COMMD9: variants seen among roughly 807,000 people sequenced by gnomAD.
COMMD9 encodes the protein COMM domain-containing protein 9.
A neutral mutation model predicts 23.4 loss-of-function variants in COMMD9; 22 were observed. That is an observed-to-expected ratio of 0.94 (90% CI 0.67 to 1.34). The LOEUF (loss-of-function observed/expected upper bound fraction) is 1.34. Ranked by LOEUF, COMMD9 falls within the 40% of genes most tolerant of loss-of-function variation. The probability of loss-of-function intolerance (pLI) is 0.00; values close to 1 mark genes in which losing one functional copy is unlikely to be tolerated. For missense variants in COMMD9, 231 were observed against 240.2 expected (o/e 0.96, Z 0.25); for synonymous variants, 99 against 97.4 (o/e 1.02, Z -0.10).
intron 3 of COMMD9, chr11:36,278,149 T>C (rs575776312): frequency 2.1e-5 from 5 of 233,238 alleles, no homozygotes; most frequent in Admixed American, 5.9e-5. Context: ...AAGGTAAACA[T>C]TGACGTGAAA....
At chr11:36,286,134 A>T (rs1489533757) in intron 1 of COMMD9, among the ~76,000 whole-genome samples, 1 of 152,230 alleles carries the variant, frequency 6.6e-6, no homozygotes, top group Non-Finnish European at 1.5e-5. Context: ...CATGTAGAAC[A>T]TTCCAAGAAA....
At chr11:36,284,104 TCAACAACAACAACAA>T (rs79468939) in intron 1 of COMMD9, among the ~76,000 whole-genome samples, 1,557 of 149,580 alleles carry the variant, frequency 0.01, 19 homozygotes, top group Non-Finnish European at 0.016. Context: ...AGACCCTGTC[TCAACAACAACAACAA>T]CAACAACAAC....
At chr11:36,275,106 G>A (rs759802267) in intron 5 of COMMD9, among the ~76,000 whole-genome samples, 3 of 152,238 alleles carry the variant, frequency 2.0e-5, no homozygotes, top group Non-Finnish European at 4.4e-5. Flanking sequence ...ACTTTAAGGA[G>A]CAGGTTCTGT....
At position 36,289,407 on chromosome 11, in the gene COMMD9, A is replaced by G. The variant is rs756627155; in HGVS notation, c.6T>C (p.Ala2=). M[A]ALTAEHFAAL... is the part of the protein sequence containing the mutation. ...CTGCAAAATGCTCCGCTGTCAGGGC[A>G]GCCATCTTGCCGAAGTCACATGACC... Residue 2 remains alanine, a synonymous_variant, in exon 1 of 6, where the codon GCT becomes GCC. Coordinates refer to ENST00000263401, the MANE Select transcript of COMMD9 (RefSeq NM_014186.4). 72 of 1,551,888 alleles carry G rather than the reference A, an allele frequency of 4.6e-5. No homozygotes were observed. The East Asian group carries it at 6.3e-4, about 14-fold the overall frequency.
At chr11:36,288,007 A>T (rs1014980126) in intron 1 of COMMD9, among the ~76,000 whole-genome samples, 6 of 152,180 alleles carry the variant, frequency 3.9e-5, no homozygotes, top group African/African-American at 1.2e-4. Flanking sequence ...TAAGACCAAC[A>T]GGTATAGGGG....
chr11:36,283,532 T>C (rs1278887853), intron 1 of COMMD9, among the ~76,000 whole-genome samples: 2 of 152,142 alleles, frequency 1.3e-5, no homozygotes, highest in African/African-American at 4.8e-5. Flanking sequence ...TAGAATGTAG[T>C]AATTAGGGCA....
chr11:36,286,395 CAA>C (rs138463305), intron 1 of COMMD9, among the ~76,000 whole-genome samples: 58 of 76,936 alleles, frequency 7.5e-4, no homozygotes, highest in Non-Finnish European at 8.8e-4. Flanking sequence ...ACTAAAAATA[CAA>C]AAAAAAAAAA....
At chr11:36,284,103 C>CACAACA (rs1378842021) in intron 1 of COMMD9, among the ~76,000 whole-genome samples, 1 of 92,198 alleles carries the variant, frequency 1.1e-5, no homozygotes, top group African/African-American at 4.3e-5. Context: ...GAGACCCTGT[C>CACAACA]TCAACAACAA....
chr11:36,278,713 C>A, intron 2 of COMMD9, 97 bp from the exon 3 acceptor site: 7 of 1,202,738 alleles, frequency 5.8e-6, no homozygotes, highest in Non-Finnish European at 6.9e-6. Flanking sequence ...CCGAAGGCTG[C>A]ACACTGCTAT....
intron 1 of COMMD9, among the ~76,000 whole-genome samples, chr11:36,287,676 C>T (rs1382653834): frequency 6.6e-6 from 1 of 151,566 alleles, no homozygotes; most frequent in Non-Finnish European, 1.5e-5. Context: ...ACTACTGCTA[C>T]ATAATGGTGA....
chr11:36,275,818 C>T (rs1321494568), intron 5 of COMMD9, among the ~76,000 whole-genome samples: 2 of 152,192 alleles, frequency 1.3e-5, no homozygotes, highest in East Asian at 1.9e-4. Context: ...CTGAAGTACA[C>T]TGAAATGATC....
At chr11:36,279,796 A>T (rs530004846) in intron 2 of COMMD9, among the ~76,000 whole-genome samples, 1 of 152,268 alleles carries the variant, frequency 6.6e-6, no homozygotes, top group South Asian at 2.1e-4. Flanking sequence ...TTCAATAAAC[A>T]AGGTCCAGAA....
intron 3 of COMMD9, among the ~76,000 whole-genome samples, chr11:36,277,938 C>T (rs1856002465): frequency 6.6e-6 from 1 of 152,164 alleles, no homozygotes; most frequent in Non-Finnish European, 1.5e-5. Flanking sequence ...CCAACTTGAA[C>T]ATTTAAGGCC....
intron 4 of COMMD9, chr11:36,276,484 CCCAGCCCT>C (rs1260468170): frequency 1.3e-5 from 6 of 449,558 alleles, no homozygotes; most frequent in African/African-American, 1.9e-5. Flanking sequence ...TACCTGAACA[CCCAGCCCT>C]CCAGATGTTA....
intron 2 of COMMD9, 51 bp from the exon 3 acceptor site, chr11:36,278,667 G>C (rs769301011): frequency 1.0e-5 from 16 of 1,597,352 alleles, no homozygotes; most frequent in Non-Finnish European, 1.4e-5. Flanking sequence ...AGCAGGCAGG[G>C]GGCACAAGGC....
In COMMD9 at chr11:36,287,091, ATACT is replaced by A. The variant is rs376058197; in HGVS notation, c.51+2267_51+2270del. On this transcript the variant is annotated intron_variant, in intron 1 of 5. Transcript: ENST00000263401. ...GTATATCGCGTAGTATGTATACTAC[ATACT>A]ATGTATATCGCGTAGTATGTATACT... Among the ~76,000 whole-genome samples, 313 of 138,150 alleles carry A rather than the reference ATACT, an allele frequency of 2.3e-3. 42 individuals carry two copies. Among genetic ancestry groups the A allele is most frequent in the Non-Finnish European group, 3.2e-3 (197 of 62,394 alleles). 90.6% of individuals were successfully genotyped at this position (138,150 alleles called of 152,430 possible).
At chr11:36,284,182 TA>T (rs917484715) in intron 1 of COMMD9, among the ~76,000 whole-genome samples, 4 of 151,648 alleles carry the variant, frequency 2.6e-5, no homozygotes, top group African/African-American at 4.9e-5. Flanking sequence ...AGGTTGAAAG[TA>T]AAAGAATGAA....
chr11:36,276,951 A>ACCCCC, intron 4 of COMMD9, 138 bp downstream of exon 4: 12 of 529,926 alleles, frequency 2.3e-5, no homozygotes, highest in East Asian at 3.5e-5. Flanking sequence ...TAGGGAAAAA[A>ACCCCC]CCCACCATAC....
At chr11:36,277,446 TTC>T (rs1855993730) in intron 3 of COMMD9, among the ~76,000 whole-genome samples, 1 of 152,252 alleles carries the variant, frequency 6.6e-6, no homozygotes. Context: ...TCAACTTATC[TTC>T]TCTTTATTGA....
Sources: allele counts gnomAD v4.1 joint callset (sites outside exome capture counted in the v4.1 genomes callset), GRCh38; gene constraint gnomAD v4.1.1; transcripts MANE v1.5; gene names NCBI Gene and HGNC (gene_info 2026-07-23, HGNC 2026-07-21).